The following SELENBP1 variants were observed in gnomAD, a reference collection of about 807,000 sequenced individuals.
The protein encoded by SELENBP1 is selenium binding protein 1.
In SELENBP1, 71 loss-of-function variants were observed where a neutral mutation model predicts 61.0. That is an observed-to-expected ratio of 1.16 (90% CI 0.96 to 1.42). The LOEUF (loss-of-function observed/expected upper bound fraction) is 1.42, where lower values mean the gene tolerates loss of function less well. SELENBP1 is among the 40% of genes most tolerant of loss of function. The pLI is 0.00. For missense variants in SELENBP1, 561 were observed against 605.0 expected, an observed-to-expected ratio of 0.93 and a Z score of 0.76; for synonymous variants, 270 against 238.9, an observed-to-expected ratio of 1.13 and a Z score of -1.20.
chr1:151,371,449 G>A (rs1652135673), intron 1 of SELENBP1, among the ~76,000 whole-genome samples: 1 of 151,706 alleles, frequency 6.6e-6, no homozygotes, highest in African/African-American at 2.4e-5. Flanking sequence ...GTGTAAATAT[G>A]GGAAGGGCTG....
In SELENBP1 at chr1:151,366,467, G is replaced by T; in HGVS notation, c.665-14C>A. On this transcript the variant is annotated splice_polypyrimidine_tract_variant and intron_variant, in intron 6 of 11. Transcript: ENST00000368868. ...TCCCGTACAGTCCTGGGGTGGGAGTGGGGCCGGAGGATAGGCTCAGCATCA... is the reference window on the plus strand; with the variant it reads ...TCCCGTACAGTCCTGGGGTGGGAGTTGGGCCGGAGGATAGGCTCAGCATCA... 6.2e-7 allele frequency: 1 copy of T among 1,607,634 alleles called. No homozygotes were observed. The highest frequency in any genetic ancestry group is 1.1e-5 in the South Asian group (1 of 90,864).
intron 4 of SELENBP1, among the ~76,000 whole-genome samples, 174 bp from the exon 5 acceptor site, chr1:151,368,493 C>T (rs1353189419): frequency 5.3e-5 from 8 of 152,208 alleles, no homozygotes; most frequent in African/African-American, 1.9e-4. Flanking sequence ...TTCTACAGAG[C>T]AGCAAGGGAA....
chr1:151,369,282 C>T (rs371294453), intron 3 of SELENBP1, 93 bp from the exon 4 acceptor site: 7 of 1,507,328 alleles, frequency 4.6e-6, no homozygotes, highest in Middle Eastern at 2.3e-4. Context: ...TTTGGAAGCA[C>T]GGCACAGGCT....
In SELENBP1 at chr1:151,369,510, T is replaced by G. The variant is rs745876418; in HGVS notation, c.106A>C (p.Thr36Pro). Residue 36 changes from threonine (T) to proline (P), a missense_variant, in exon 3 of 12, where the codon ACA becomes CCA. By Grantham distance (38) the Thr-to-Pro change is conservative. Coordinates refer to ENST00000368868, the MANE Select transcript of SELENBP1 (RefSeq NM_003944.4). The part of the protein sequence containing the change: ...IVYLPCIYRN[T>P]GTEAPDYLAT... ...AGATAATCTGGGGCCTCAGTGCCTG[T>G]GTTTCGGTAAATGCAGGGCAGGTAG... 6.2e-7 allele frequency: 1 copy of G among 1,612,226 alleles called. No individual in the cohort carries two copies. The highest frequency in any genetic ancestry group is 8.5e-7 in the Non-Finnish European group (1 of 1,179,360).
chr1:151,368,088 C>T, intron 5 of SELENBP1, 111 bp downstream of exon 5: 1 of 1,421,946 alleles, frequency 7.0e-7, no homozygotes, highest in South Asian at 1.3e-5. Context: ...ACTGGTTCTC[C>T]TTGGGAAGTC....
chr1:151,364,304 T>G lies in SELENBP1; in HGVS notation c.*239A>C. 1.9e-6 allele frequency: 1 copy of G among 536,452 alleles called. No individual in the cohort carries two copies. Among genetic ancestry groups the G allele is most frequent in the Admixed American group, 3.5e-5 (1 of 28,866 alleles). 33.2% of individuals were successfully genotyped at this position (536,452 alleles called of 1,614,324 possible). A position where few individuals can be genotyped will look rare whatever the true frequency, so the allele number is the denominator to read the frequency against. On this transcript the variant is annotated 3_prime_UTR_variant, in exon 12 of 12. Transcript: ENST00000368868. ...CTGGGCCCCCAAAGACAAGGCCATC[T>G]GAAGGACAGGGTTACGAGTTTATTT...
intron 10 of SELENBP1, 27 bp from the exon 11 acceptor site, chr1:151,365,071 A>G: frequency 6.3e-7 from 1 of 1,596,902 alleles, no homozygotes; most frequent in East Asian, 2.2e-5. Flanking sequence ...GTCAGAGCCC[A>G]GGGTAACACA....
chr1:151,369,311 T>G (rs1253080968), intron 3 of SELENBP1, 122 bp from the exon 4 acceptor site: 1 of 1,432,762 alleles, frequency 7.0e-7, no homozygotes, highest in Admixed American at 1.9e-5. Context: ...GCACTCCCCT[T>G]GTCCCAGGTT....
At chr1:151,365,467 C>T (rs1203170822) in intron 9 of SELENBP1, 96 bp downstream of exon 9, 4 of 1,585,328 alleles carry the variant, frequency 2.5e-6, no homozygotes, top group East Asian at 2.2e-5. Flanking sequence ...CTGCACCTCC[C>T]TCAACATCCT....
In SELENBP1 at chr1:151,371,438, T is replaced by C. The variant is rs116271000; in HGVS notation, c.4+1200A>G. ...AAAAAAAAAAAAAATAATGAATTACTGTGTAAATATGGGAAGGGCTGTGCC... is the reference window on the plus strand; with the variant it reads ...AAAAAAAAAAAAAATAATGAATTACCGTGTAAATATGGGAAGGGCTGTGCC... On this transcript the variant is annotated intron_variant, in intron 1 of 11. Coordinates refer to ENST00000368868, the MANE Select transcript of SELENBP1 (RefSeq NM_003944.4). Among the ~76,000 whole-genome samples, 599 of 150,106 alleles carry C rather than the reference T, an allele frequency of 4.0e-3. 2 individuals carry two copies. Among genetic ancestry groups the C allele is most frequent in the African/African-American group, 0.014 (567 of 40,932 alleles).
In SELENBP1 at chr1:151,365,570, G is replaced by C. The variant is rs748871803; in HGVS notation, c.1037C>G (p.Thr346Arg). Residue 346 changes from threonine (T) to arginine (R), a missense_variant, in exon 9 of 12, where the codon ACA (threonine) becomes AGA (arginine). Coordinates refer to ENST00000368868, the MANE Select transcript of SELENBP1 (RefSeq NM_003944.4). ...TCCTGCCAGGGTCTCCACCTGTCCT[G>C]TGAGGCGGGGTCTCTGTGGGTCAGA... ...DISDPQRPRLTGQLFLGGSIV... is the reference protein window; with the variant it reads ...DISDPQRPRLRGQLFLGGSIV... The C allele has an allele frequency of 3.7e-6, 6 of 1,613,972 alleles. No individual in the cohort carries two copies. The Admixed American group carries it at 1.0e-4, about 27-fold the overall frequency.
Position 151,365,828 on chromosome 1 carries a change from C to G in SELENBP1, c.862G>C (p.Glu288Gln). ...YKNEGGTWSV[E>Q]KVIQVPPKKV... ...TTGGGGGGCACCTGGATCACCTTCT[C>G]CACTGACCATGTACCTCCCTACATT... Residue 288 changes from glutamate (E) to glutamine (Q), a missense_variant, in exon 8 of 12, where the codon GAG (glutamate) becomes CAG (glutamine). By Grantham distance (29) the Glu-to-Gln change is conservative. Coordinates refer to ENST00000368868, the MANE Select transcript of SELENBP1 (RefSeq NM_003944.4). The G allele has an allele frequency of 6.2e-7, 1 of 1,614,162 alleles. No homozygotes were observed. The highest frequency in any genetic ancestry group is 8.5e-7 in the Non-Finnish European group (1 of 1,180,014).
At chr1:151,366,047 G>T in intron 7 of SELENBP1, 1 of 723,606 alleles carries the variant, frequency 1.4e-6, no homozygotes, top group Non-Finnish European at 2.3e-6. Context: ...CCAGAACATA[G>T]CACAGTGCCT....
intron 4 of SELENBP1, 140 bp downstream of exon 4, chr1:151,368,864 C>G: frequency 1.2e-6 from 1 of 860,930 alleles, no homozygotes; most frequent in African/African-American, 1.7e-5. Context: ...GCTCTGAGGT[C>G]CAACCTCCCT....
intron 5 of SELENBP1, chr1:151,367,477 C>T (rs1651907197): frequency 6.8e-6 from 1 of 147,716 alleles, no homozygotes; most frequent in African/African-American, 2.5e-5. Context: ...CGCCAGTGCC[C>T]CTGTCTCCTG....
At chr1:151,368,421 T>C in intron 4 of SELENBP1, 102 bp from the exon 5 acceptor site, 1 of 1,485,150 alleles carries the variant, frequency 6.7e-7, no homozygotes, top group Non-Finnish European at 9.2e-7. Flanking sequence ...CTGTCATCTT[T>C]TCCTTCAAAA....
At chr1:151,369,939 G>A (rs1172438910) in intron 1 of SELENBP1, 170 bp from the exon 2 acceptor site, 11 of 1,513,650 alleles carry the variant, frequency 7.3e-6, no homozygotes, top group Non-Finnish European at 9.8e-6. Context: ...GAGCCCTGAG[G>A]AGGGTGAGGT....
At chr1:151,372,580 C>T in intron 1 of SELENBP1, 58 bp downstream of exon 1, 2 of 1,612,730 alleles carry the variant, frequency 1.2e-6, no homozygotes, top group Non-Finnish European at 1.7e-6. Context: ...GGAGGAGGGC[C>T]TTCCAAATTA....
intron 1 of SELENBP1, 80 bp from the exon 2 acceptor site, chr1:151,369,849 C>T (rs1652057377): frequency 2.6e-6 from 4 of 1,551,632 alleles, no homozygotes; most frequent in Non-Finnish European, 3.5e-6. Flanking sequence ...CAGCACACAT[C>T]CCAGCGGGCC....
Sources: gnomAD v4.1 joint callset for allele counts (sites outside exome capture counted in the v4.1 genomes callset) on GRCh38, gnomAD v4.1.1 for gene constraint, MANE v1.5 for transcripts, NCBI Gene and HGNC (gene_info 2026-07-23, HGNC 2026-07-21) for gene names.